USP33: variants seen among roughly 807,000 people sequenced by gnomAD.
USP33 encodes the protein ubiquitin carboxyl-terminal hydrolase 33.
In USP33, 46 loss-of-function variants were observed where a neutral mutation model predicts 124.2. The observed-to-expected ratio is 0.37, with a 90% confidence interval of 0.29 to 0.47. The LOEUF (loss-of-function observed/expected upper bound fraction) is 0.47, where lower values mean the gene tolerates loss of function less well. Ranked by LOEUF, USP33 falls within the 20% of genes least tolerant of loss-of-function variation. The pLI, the probability that USP33 is intolerant of heterozygous loss-of-function variation, is 0.99. For synonymous variants in USP33, 350 were observed against 352.3 expected (o/e 0.99, Z 0.07); for missense variants, 851 against 1,070.6 (o/e 0.79, Z 2.86).
chr1:77,726,040 C>A (rs1241692211), intron 10 of USP33, among the ~76,000 whole-genome samples: 4 of 152,296 alleles, frequency 2.6e-5, no homozygotes, highest in African/African-American at 7.2e-5. Flanking sequence ...ACCTCCGCAT[C>A]CTGGATTCAA....
intron 15 of USP33, among the ~76,000 whole-genome samples, chr1:77,718,942 AAAAG>A (rs1418098837): frequency 1.3e-4 from 19 of 151,026 alleles, no homozygotes; most frequent in East Asian, 7.8e-4. Context: ...AAAAAAAAAA[AAAAG>A]AAAGAAAGAA....
chr1:77,731,987 G>A (rs906840365), intron 7 of USP33, among the ~76,000 whole-genome samples: 18 of 151,630 alleles, frequency 1.2e-4, no homozygotes, highest in Non-Finnish European at 2.4e-4. Context: ...ACCTGTGGTC[G>A]TAGCTACTTG....
intron 14 of USP33, 140 bp from the exon 15 acceptor site, chr1:77,721,345 A>T: frequency 1.2e-6 from 1 of 818,320 alleles, no homozygotes; most frequent in Non-Finnish European, 1.9e-6. Context: ...TATGCTCATG[A>T]ATCAGGTTAC....
intron 14 of USP33, chr1:77,721,620 T>C (rs937281161): frequency 1.9e-6 from 1 of 538,246 alleles, no homozygotes. Flanking sequence ...TCATTTGTCT[T>C]ATACTACAGG....
chr1:77,702,141 C>CAAAAAAAAAAA lies in USP33; in HGVS notation c.2407-681_2407-671dup, dbSNP rs58750531. Among the ~76,000 whole-genome samples the CAAAAAAAAAAA allele has an allele frequency of 2.6e-3, 41 of 15,774 alleles. 1 individual carries two copies. The highest frequency in any genetic ancestry group is 5.0e-3 in the African/African-American group (39 of 7,794). The allele number at this position is 15,774 out of a possible 152,430, so 10.3% of individuals were successfully genotyped here. On this transcript the variant is annotated intron_variant, in intron 21 of 23. Coordinates refer to ENST00000370794, the MANE Select transcript of USP33 (RefSeq NM_201624.3). ...TGGGTGACAGAACAAGACCCTGTCT[C>CAAAAAAAAAAA]AAAAAAAAAAAAAAAAAAAAAAAAA...
intron 9 of USP33, 132 bp downstream of exon 9, chr1:77,729,728 G>A: frequency 1.3e-6 from 1 of 758,730 alleles, no homozygotes; most frequent in Non-Finnish European, 2.2e-6. Context: ...ACATGAAAAA[G>A]GGTTACTATT....
intron 4 of USP33, among the ~76,000 whole-genome samples, chr1:77,739,976 G>T (rs923263803): frequency 1.3e-5 from 2 of 152,210 alleles, no homozygotes; most frequent in African/African-American, 4.8e-5. Context: ...AGAGGCAAAT[G>T]ATATACAATG....
At chr1:77,734,509 G>C in intron 6 of USP33, 93 bp from the exon 7 acceptor site, 1 of 744,526 alleles carries the variant, frequency 1.3e-6, no homozygotes, top group Non-Finnish European at 2.2e-6. Flanking sequence ...ATTACATTAA[G>C]GACCACGGAA....
At chr1:77,725,490 G>A in intron 11 of USP33, 132 bp downstream of exon 11, 12 of 1,303,958 alleles carry the variant, frequency 9.2e-6, no homozygotes, top group Non-Finnish European at 1.1e-5. Context: ...TCATGTCTAT[G>A]TAAAATTATG....
intron 1 of USP33, among the ~76,000 whole-genome samples, chr1:77,742,770 T>C (rs189714340): frequency 2.0e-5 from 3 of 152,278 alleles, no homozygotes; most frequent in East Asian, 1.9e-4. Context: ...GTTTAAAAGT[T>C]TGAACTTCAG....
Position 77,736,118 on chromosome 1 carries a change from A to C in USP33, c.392T>G (p.Leu131Arg). Residue 131 changes from leucine to arginine, a missense_variant, in exon 6 of 24, where the codon CTG becomes CGG. Transcript: ENST00000370794. ...ATCCAGATCATCAAATACGGCAACC[A>C]GAGGAGTTTTTAATGTTGTATTACT... ...IPSNTTLKTP[L>R]VAVFDDLDIE... is the part of the protein sequence containing the mutation. The C allele has an allele frequency of 6.2e-7, 1 of 1,613,444 alleles. No homozygotes were observed. Among genetic ancestry groups the C allele is most frequent in the Non-Finnish European group, 8.5e-7 (1 of 1,179,684 alleles).
intron 1 of USP33, among the ~76,000 whole-genome samples, chr1:77,751,021 T>C (rs1027869640): frequency 4.6e-5 from 7 of 152,158 alleles, no homozygotes; most frequent in Admixed American, 2.6e-4. Flanking sequence ...TATTAGACAT[T>C]AGAAAAAAAC....
intron 5 of USP33, 45 bp from the exon 6 acceptor site, chr1:77,736,203 TTAA>T: frequency 7.4e-7 from 1 of 1,355,674 alleles, no homozygotes; most frequent in Non-Finnish European, 1.0e-6. Context: ...ATCCTTAAAT[TTAA>T]AAAAAGTTTT....
At chr1:77,701,273 A>T in intron 22 of USP33, 96 bp downstream of exon 22, 1 of 781,568 alleles carries the variant, frequency 1.3e-6, no homozygotes, top group Non-Finnish European at 2.1e-6. Flanking sequence ...TCTGTTCAAT[A>T]GTGTAATCCC....
intron 10 of USP33, 55 bp downstream of exon 10, chr1:77,728,240 C>T: frequency 1.4e-6 from 2 of 1,480,482 alleles, no homozygotes; most frequent in Non-Finnish European, 1.8e-6. Flanking sequence ...ATTTAAACAC[C>T]CATGTCTACA....
chr1:77,724,168 T>C (rs917073907), intron 11 of USP33, among the ~76,000 whole-genome samples: 4 of 152,184 alleles, frequency 2.6e-5, no homozygotes, highest in East Asian at 1.9e-4. Context: ...AAAGATGAAA[T>C]AGAAGGGGTT....
At chr1:77,714,882 T>A in intron 18 of USP33, 99 bp from the exon 19 acceptor site, 1 of 1,197,686 alleles carries the variant, frequency 8.3e-7, no homozygotes, top group African/African-American at 1.5e-5. Context: ...ATATTAACAC[T>A]ATCTTTATTA....
intron 15 of USP33, chr1:77,720,509 A>T (rs1320379620): frequency 1.0e-6 from 1 of 985,278 alleles, no homozygotes; most frequent in Non-Finnish European, 1.2e-6. Context: ...TCAGTTGCAG[A>T]TCAATGTTTC....
At chr1:77,730,250 G>GCT (rs1445653297) in intron 8 of USP33, among the ~76,000 whole-genome samples, 1 of 152,122 alleles carries the variant, frequency 6.6e-6, no homozygotes. Context: ...TGATCCTAAT[G>GCT]CTAAACTTTA....
Sources: gnomAD v4.1 joint callset for allele counts (sites outside exome capture counted in the v4.1 genomes callset) on GRCh38, gnomAD v4.1.1 for gene constraint, MANE v1.5 for transcripts, NCBI Gene and HGNC (gene_info 2026-07-23, HGNC 2026-07-21) for gene names.